The following PCDHGB7 variants were observed in gnomAD, a reference collection of about 807,000 sequenced individuals.
The protein encoded by PCDHGB7 is protocadherin gamma-B7.
A neutral mutation model predicts 61.4 loss-of-function variants in PCDHGB7; 37 were observed. The observed-to-expected ratio is 0.60, with a 90% CI of 0.46 to 0.79. The LOEUF is 0.79. Ranked by LOEUF, PCDHGB7 falls within the 30% of genes least tolerant of loss-of-function variation. PCDHGB7 has a pLI of 0.00. For synonymous variants in PCDHGB7, 464 were observed against 503.5 expected, an observed-to-expected ratio of 0.92 and a Z score of 1.05; for missense variants, 1,166 against 1,202.5, an observed-to-expected ratio of 0.97 and a Z score of 0.45.
intron 1 of PCDHGB7, among the ~76,000 whole-genome samples, chr5:141,435,592 C>T (rs573084790): frequency 1.3e-5 from 2 of 152,060 alleles, no homozygotes; most frequent in African/African-American, 2.4e-5. Flanking sequence ...GCAGTAATAT[C>T]GCCTGCTTTT....
chr5:141,430,952 C>T, intron 1 of PCDHGB7: 2 of 1,610,382 alleles, frequency 1.2e-6, no homozygotes, highest in Non-Finnish European at 1.7e-6. Flanking sequence ...GCGCGGAGTC[C>T]GCATCATCCC....
chr5:141,489,491 T>C lies in PCDHGB7; in HGVS notation c.2416-5316T>C. On this transcript the variant is annotated intron_variant, in intron 1 of 3. Transcript: ENST00000398594. This position sits in a 1 kb window ranked among gnomAD's most constrained non-coding sequence, Gnocchi z 4.5. ...TCCCTGAGCTTGATGAGTGGTGCCC[T>C]GGCAGTGAATCAAAAGATTGACCGA... The C allele has an allele frequency of 6.2e-7, 1 of 1,614,066 alleles. No individual in the cohort carries two copies. The highest frequency in any genetic ancestry group is 8.5e-7 in the Non-Finnish European group (1 of 1,180,024).
chr5:141,418,236 T>C lies in PCDHGB7; in HGVS notation c.377T>C (p.Val126Ala). The change falls in exon 1 of 4, where the codon GTT (valine) becomes GCT (alanine). Residue 126 changes from valine to alanine, a missense_variant. By Grantham distance (64) the Val-to-Ala change is moderately conservative. Coordinates refer to ENST00000398594, the MANE Select transcript of PCDHGB7 (RefSeq NM_018927.4). ...IFHVIVVIED[V>A]NDHAPQFRKD... ...CATGTCATTGTGGTGATTGAGGATG[T>C]TAATGACCACGCCCCTCAATTCCGG... 8 of 1,614,030 alleles carry C rather than the reference T, an allele frequency of 5.0e-6. No homozygotes were observed. Among genetic ancestry groups the C allele is most frequent in the Non-Finnish European group, 6.8e-6 (8 of 1,179,894 alleles).
intron 1 of PCDHGB7, among the ~76,000 whole-genome samples, chr5:141,436,781 A>T (rs1041532929): frequency 6.6e-6 from 1 of 152,236 alleles, no homozygotes; most frequent in Non-Finnish European, 1.5e-5. Context: ...TGTGGATGGA[A>T]ATAAAACTGT....
chr5:141,503,598 CAAAAA>C (rs765754054), intron 2 of PCDHGB7, among the ~76,000 whole-genome samples: 1 of 65,760 alleles, frequency 1.5e-5, no homozygotes, highest in African/African-American at 4.7e-5. Context: ...GACTCCAGCT[CAAAAA>C]AAAAAAAAAA....
chr5:141,447,742 T>G (rs1440015460), intron 1 of PCDHGB7, among the ~76,000 whole-genome samples: 3 of 152,056 alleles, frequency 2.0e-5, no homozygotes, highest in Non-Finnish European at 4.4e-5. Flanking sequence ...AACTTAAGAG[T>G]CTTGCATGTG....
At position 141,490,448 on chromosome 5, in the gene PCDHGB7, A is replaced by C. The variant is rs1309104827; in HGVS notation, c.2416-4359A>C. 1 of 1,614,206 alleles carries C rather than the reference A, an allele frequency of 6.2e-7. No homozygotes were observed. Among genetic ancestry groups the C allele is most frequent in the Admixed American group, 1.7e-5 (1 of 60,030 alleles). ...TTTCAGATTAAGCCTTCTGAGAACC[A>C]CTACTCGCTGCTAACCAGCCAGCCT... is the stretch of plus-strand genomic sequence containing the variant. On this transcript the variant is annotated intron_variant, in intron 1 of 3. Coordinates refer to ENST00000398594, the MANE Select transcript of PCDHGB7 (RefSeq NM_018927.4). This position sits in a 1 kb window ranked among gnomAD's most constrained non-coding sequence, Gnocchi z 5.4.
In PCDHGB7 at chr5:141,487,694, AC is replaced by A. The variant is rs1296386169; in HGVS notation, c.2416-7112del. On this transcript the variant is annotated intron_variant, in intron 1 of 3. Coordinates refer to ENST00000398594, the MANE Select transcript of PCDHGB7 (RefSeq NM_018927.4). The surrounding 1 kb of genome is among the most constrained non-coding windows in gnomAD (Gnocchi z 5.0). ...ATGGCTAGGCCATGTCCTAGAGAGT[AC>A]TGGCCTCTCAGTAAGTGCCCATAGT... is the stretch of plus-strand genomic sequence containing the variant. The A allele has an allele frequency of 6.2e-7, 1 of 1,602,048 alleles. No individual in the cohort carries two copies. The highest frequency in any genetic ancestry group is 2.2e-5 in the East Asian group (1 of 44,642).
Position 141,418,941 on chromosome 5 carries a change from C to G in PCDHGB7, c.1082C>G (p.Pro361Arg). 6.2e-7 allele frequency: 1 copy of G among 1,614,034 alleles called. No individual in the cohort carries two copies. Among genetic ancestry groups the G allele is most frequent in the East Asian group, 2.2e-5 (1 of 44,884 alleles). The change falls in exon 1 of 4, where the codon CCT (proline) becomes CGT (arginine). Residue 361 changes from proline to arginine, a missense_variant. By Grantham distance (103) the Pro-to-Arg change is moderately radical (BLOSUM62 -2). Coordinates refer to ENST00000398594, the MANE Select transcript of PCDHGB7 (RefSeq NM_018927.4). ...TCTGATCAGATTATGGAGGATTCCC[C>G]TCCAGGAGTGGTTGTTGCCCTCTTC... ...SLSDQIMEDS[P>R]PGVVVALFKT...
chr5:141,436,167 G>A (rs933669166), intron 1 of PCDHGB7, among the ~76,000 whole-genome samples: 2 of 152,088 alleles, frequency 1.3e-5, no homozygotes, highest in Non-Finnish European at 2.9e-5. Flanking sequence ...CATATGGACA[G>A]TTCTCATATA....
At chr5:141,436,467 A>G (rs2097825090) in intron 1 of PCDHGB7, among the ~76,000 whole-genome samples, 1 of 152,216 alleles carries the variant, frequency 6.6e-6, no homozygotes, top group South Asian at 2.1e-4. Flanking sequence ...GAATTTTCAG[A>G]TGTATCATAG....
intron 1 of PCDHGB7, among the ~76,000 whole-genome samples, chr5:141,425,555 A>T (rs1282440598): frequency 6.6e-6 from 1 of 152,270 alleles, no homozygotes; most frequent in African/African-American, 2.4e-5. Flanking sequence ...AACCTCTTTT[A>T]TAAGTGATAA....
intron 1 of PCDHGB7, among the ~76,000 whole-genome samples, chr5:141,429,602 C>T (rs548994907): frequency 1.1e-4 from 16 of 152,218 alleles, no homozygotes; most frequent in African/African-American, 3.6e-4. Flanking sequence ...TTCAAGTAAA[C>T]TCAATTTTAT....
chr5:141,460,576 G>A (rs2098992216), intron 1 of PCDHGB7, among the ~76,000 whole-genome samples: 1 of 152,082 alleles, frequency 6.6e-6, no homozygotes, highest in Non-Finnish European at 1.5e-5. Flanking sequence ...ACATATGTAG[G>A]TGTGGGTTTT....
chr5:141,478,692 A>C (rs1459911657), intron 1 of PCDHGB7: 2 of 1,550,666 alleles, frequency 1.3e-6, no homozygotes, highest in African/African-American at 2.7e-5. Context: ...CCTAGATCAA[A>C]GTTAGTGCCT....
rs529966095 is a variant in PCDHGB7 at position 141,499,776 on chromosome 5, TC to T, written c.2474+4914del. 3.7e-3 allele frequency among the ~76,000 whole-genome samples: 528 copies of T among 141,410 alleles called. 6 individuals carry two copies. Among genetic ancestry groups the T allele is most frequent in the Non-Finnish European group, 4.2e-3 (282 of 66,550 alleles). The allele number at this position is 141,410 out of a possible 152,430, so 92.8% of individuals were successfully genotyped here. ...ATCTCAGCTCACTGCAGCCTTCGCCTCCCGGGTTCAAGCAATTCTCATGCTT... is the reference window on the plus strand; with the variant it reads ...ATCTCAGCTCACTGCAGCCTTCGCCTCCGGGTTCAAGCAATTCTCATGCTT... On this transcript the variant is annotated intron_variant, in intron 2 of 3. Coordinates refer to ENST00000398594, the MANE Select transcript of PCDHGB7 (RefSeq NM_018927.4).
intron 1 of PCDHGB7, among the ~76,000 whole-genome samples, chr5:141,425,036 G>A (rs574813328): frequency 1.3e-5 from 2 of 152,238 alleles, no homozygotes; most frequent in East Asian, 3.9e-4. Context: ...GTCATTAGTT[G>A]TAAACTGACT....
At chr5:141,499,019 AG>A (rs2099788634) in intron 2 of PCDHGB7, among the ~76,000 whole-genome samples, 3 of 150,840 alleles carry the variant, frequency 2.0e-5, no homozygotes, top group Non-Finnish European at 3.0e-5. Context: ...GAAGGAAGGA[AG>A]GAAGGAAGAA....
At chr5:141,467,582 TGCCATTTATTAA>T (rs2099146610) in intron 1 of PCDHGB7, among the ~76,000 whole-genome samples, 2 of 152,216 alleles carry the variant, frequency 1.3e-5, no homozygotes, top group Non-Finnish European at 1.5e-5. Context: ...GTTGTCCCAA[TGCCATTTATTAA>T]GCACTTCATC....
Sources: allele counts gnomAD v4.1 joint callset (sites outside exome capture counted in the v4.1 genomes callset), GRCh38; gene constraint gnomAD v4.1.1; non-coding constraint Gnocchi (gnomAD v3.1); transcripts MANE v1.5; gene names NCBI Gene and HGNC (gene_info 2026-07-23, HGNC 2026-07-21).